Variants in AKAP19 observed in about 807,000 individuals in gnomAD.
AKAP19 encodes small A-kinase anchoring protein.
the AKAP19 span, among the ~76,000 whole-genome samples, chr2:190,117,894 T>C: frequency 6.6e-6 from 1 of 152,160 alleles, no homozygotes; most frequent in Non-Finnish European, 1.5e-5. Flanking sequence ...TTTTGTTTGG[T>C]TGCTAACGTA....
At chr2:189,957,085 G>C in the AKAP19 span, among the ~76,000 whole-genome samples, 1 of 152,142 alleles carries the variant, frequency 6.6e-6, no homozygotes, top group Non-Finnish European at 1.5e-5. Context: ...CTGAGGAGGA[G>C]AGTTGCTTAA....
At chr2:190,067,431 C>A in the AKAP19 span, among the ~76,000 whole-genome samples, 3 of 152,156 alleles carry the variant, frequency 2.0e-5, no homozygotes, top group Non-Finnish European at 1.5e-5. Flanking sequence ...AACTTACAGT[C>A]CCCTCCTCCC....
the AKAP19 span, among the ~76,000 whole-genome samples, chr2:190,148,995 C>A: frequency 3.4e-5 from 5 of 145,710 alleles, no homozygotes; most frequent in South Asian, 2.1e-4. Flanking sequence ...TAGAGTTTCA[C>A]TCTTCTTGCC....
chr2:189,925,229 A>T, the AKAP19 span, among the ~76,000 whole-genome samples: 1 of 152,154 alleles, frequency 6.6e-6, no homozygotes, highest in Non-Finnish European at 1.5e-5. Flanking sequence ...GTGTTGACTG[A>T]TTGCTGAAAA....
At chr2:190,167,891 C>A in the AKAP19 span, among the ~76,000 whole-genome samples, 1 of 152,154 alleles carries the variant, frequency 6.6e-6, no homozygotes, top group Non-Finnish European at 1.5e-5. Flanking sequence ...TCCAGGTGCA[C>A]GGTGCTAGCT....
the AKAP19 span, among the ~76,000 whole-genome samples, chr2:190,107,532 G>A: frequency 0.59 from 89,193 of 151,952 alleles, 27,934 homozygotes; most frequent in South Asian, 0.85. Flanking sequence ...GAATTGGGCC[G>A]GTTTGCCAAT....
the AKAP19 span, among the ~76,000 whole-genome samples, chr2:190,161,453 C>A: frequency 1.3e-5 from 2 of 152,112 alleles, no homozygotes; most frequent in Non-Finnish European, 2.9e-5. Flanking sequence ...TTCTCAGGCC[C>A]ACATTCTAAA....
At chr2:190,177,499 C>G in the AKAP19 span, among the ~76,000 whole-genome samples, 1 of 152,336 alleles carries the variant, frequency 6.6e-6, no homozygotes, top group East Asian at 1.9e-4. This position sits in a 1 kb window ranked among gnomAD's most constrained non-coding sequence, Gnocchi z 4.6. Flanking sequence ...TCCTTCCTGA[C>G]AAGGCCACAT....
chr2:189,945,912 C>A, the AKAP19 span, among the ~76,000 whole-genome samples: 1 of 152,164 alleles, frequency 6.6e-6, no homozygotes, highest in Non-Finnish European at 1.5e-5. Context: ...GTGGGGACTT[C>A]TGAACTGTTT....
At chr2:189,889,208 T>C in the AKAP19 span, among the ~76,000 whole-genome samples, 1 of 152,214 alleles carries the variant, frequency 6.6e-6, no homozygotes, top group African/African-American at 2.4e-5. Context: ...GTTTTTGTCA[T>C]TGGTTCTGTA....
At chr2:190,185,642 GTA>G in the AKAP19 span, among the ~76,000 whole-genome samples, 2 of 152,184 alleles carry the variant, frequency 1.3e-5, no homozygotes, top group African/African-American at 2.4e-5. Context: ...ACCTGCTTGT[GTA>G]TGTGTGTGGT....
chr2:190,197,719 C>G, the AKAP19 span, among the ~76,000 whole-genome samples: 310 of 152,250 alleles, frequency 2.0e-3, 2 homozygotes, highest in African/African-American at 6.4e-3. The surrounding 1 kb of genome is among the most constrained non-coding windows in gnomAD (Gnocchi z 4.0). Flanking sequence ...TGCTCTATGC[C>G]TGAAAATAAT....
At chr2:189,934,372 G>A in the AKAP19 span, among the ~76,000 whole-genome samples, 1 of 152,004 alleles carries the variant, frequency 6.6e-6, no homozygotes, top group Admixed American at 6.6e-5. Flanking sequence ...AACAGATGCA[G>A]ATTCCATAAT....
At chr2:190,130,875 C>T in the AKAP19 span, among the ~76,000 whole-genome samples, 2 of 152,210 alleles carry the variant, frequency 1.3e-5, no homozygotes, top group African/African-American at 4.8e-5. Flanking sequence ...CCCTACCCTA[C>T]ACTGGCTTCT....
chr2:190,182,644 A>G, the AKAP19 span, among the ~76,000 whole-genome samples: 2 of 152,192 alleles, frequency 1.3e-5, no homozygotes, highest in Non-Finnish European at 2.9e-5. Flanking sequence ...AAAGATCCTT[A>G]GCCCAAAATT....
At chr2:190,062,816 A>G in the AKAP19 span, 20 of 510,432 alleles carry the variant, frequency 3.9e-5, no homozygotes, top group Non-Finnish European at 5.9e-5. Flanking sequence ...TTGCTCCACA[A>G]TGAATCTCGC....
At chr2:189,974,278 G>T in the AKAP19 span, among the ~76,000 whole-genome samples, 1 of 152,180 alleles carries the variant, frequency 6.6e-6, no homozygotes, top group Admixed American at 6.5e-5. Context: ...TTTCCATGTA[G>T]TTGAACGGTT....
At chr2:189,969,162 T>A in the AKAP19 span, among the ~76,000 whole-genome samples, 1 of 152,150 alleles carries the variant, frequency 6.6e-6, no homozygotes, top group East Asian at 1.9e-4. Context: ...AAATCATATG[T>A]TGAAACATGT....
the AKAP19 span, among the ~76,000 whole-genome samples, chr2:189,927,484 A>G: frequency 6.6e-6 from 1 of 152,186 alleles, no homozygotes; most frequent in African/African-American, 2.4e-5. Flanking sequence ...TTTCTTTTTA[A>G]CTTTTAATGT....
Sources: gnomAD v4.1 joint callset for allele counts (sites outside exome capture counted in the v4.1 genomes callset) on GRCh38, gnomAD v4.1.1 for gene constraint, Gnocchi (gnomAD v3.1) non-coding constraint, MANE v1.5 for transcripts, NCBI Gene and HGNC (gene_info 2026-07-23, HGNC 2026-07-21) for gene names.